CENPC: variants seen among roughly 807,000 people sequenced by gnomAD.
CENPC encodes the protein centromere protein C.
CENPC carries 63 observed loss-of-function variants against 112.1 expected under a neutral mutation model. That is an observed-to-expected ratio of 0.56 (90% CI 0.46 to 0.69). The LOEUF (loss-of-function observed/expected upper bound fraction) is 0.69, where lower values mean the gene tolerates loss of function less well. CENPC is among the 30% of genes least tolerant of loss of function. CENPC has a pLI of 0.00. For synonymous variants in CENPC, 333 were observed against 367.6 expected (o/e 0.91, Z 1.08); for missense variants, 1,000 against 1,103.8 (o/e 0.91, Z 1.33).
rs1429382741 is a variant in CENPC, at chr4:67,541,066, T to C, written c.66-16A>G. On this transcript the variant is annotated splice_polypyrimidine_tract_variant and intron_variant, in intron 2 of 18. Transcript: ENST00000273853. ...GTCACGTGCCCTAATAAAGGAAAAA[T>C]ACAGCCTGTCATTTTCAGAAGATAT... 1.3e-6 allele frequency: 2 copies of C among 1,561,436 alleles called. No homozygotes were observed. Among genetic ancestry groups the C allele is most frequent in the Non-Finnish European group, 1.8e-6 (2 of 1,140,386 alleles).
intron 11 of CENPC, among the ~76,000 whole-genome samples, chr4:67,506,061 A>T (rs917793226): frequency 6.6e-6 from 1 of 152,202 alleles, no homozygotes; most frequent in African/African-American, 2.4e-5. Context: ...AAGCCTAGTC[A>T]TAACCTCACA....
chr4:67,519,535 T>C, intron 5 of CENPC, 33 bp from the exon 6 acceptor site: 1 of 1,329,456 alleles, frequency 7.5e-7, no homozygotes, highest in Non-Finnish European at 9.9e-7. Flanking sequence ...TATTTGTCAA[T>C]TAAAAGAATA....
chr4:67,479,490 A>G (rs1005832232), intron 17 of CENPC, among the ~76,000 whole-genome samples: 28 of 152,242 alleles, frequency 1.8e-4, no homozygotes, highest in Admixed American at 3.9e-4. Context: ...CAACAATGAA[A>G]TAAAGATGAA....
intron 16 of CENPC, among the ~76,000 whole-genome samples, chr4:67,490,500 G>A (rs1354647598): frequency 6.6e-6 from 1 of 152,006 alleles, no homozygotes; most frequent in African/African-American, 2.4e-5. Context: ...ATAACAAAAT[G>A]GCAGTATTAT....
At chr4:67,538,393 C>T (rs1560445136) in intron 4 of CENPC, among the ~76,000 whole-genome samples, 2 of 152,126 alleles carry the variant, frequency 1.3e-5, no homozygotes. Context: ...CAGATTTACC[C>T]TCCTGCCTGA....
At chr4:67,512,210 C>A (rs1725910528) in intron 9 of CENPC, 192 bp downstream of exon 9, 1 of 450,942 alleles carries the variant, frequency 2.2e-6, no homozygotes, top group Non-Finnish European at 3.8e-6. Flanking sequence ...CAGCTATTAT[C>A]CCTATTCCTA....
Position 67,514,674 on chromosome 4 carries a change from G to T in CENPC, c.844C>A (p.His282Asn). The T allele has an allele frequency of 6.2e-7, 1 of 1,606,692 alleles. No individual in the cohort carries two copies. The highest frequency in any genetic ancestry group is 8.5e-7 in the Non-Finnish European group (1 of 1,176,694). ...GAATGAGGTGGAGCAGTTGCCGCAT[G>T]CCTAACAATGGGACTGAAACAGGGT... ...RKSESSPIVR[H>N]AATAPPHSCP... Residue 282 changes from histidine to asparagine, a missense_variant, in exon 8 of 19, where the codon CAT (histidine) becomes AAT (asparagine). His to Asn is a moderately conservative substitution (Grantham distance 68). Coordinates refer to ENST00000273853, the MANE Select transcript of CENPC (RefSeq NM_001812.4).
At position 67,509,057 on chromosome 4, in the gene CENPC, T is replaced by C; in HGVS notation, c.1661A>G (p.His554Arg). 1.9e-6 allele frequency: 3 copies of C among 1,611,454 alleles called. No homozygotes were observed. Among genetic ancestry groups the C allele is most frequent in the South Asian group, 2.2e-5 (2 of 91,052 alleles). ...SSVRNELPMHHNSSRKSTKKT... is the reference protein window; with the variant it reads ...SSVRNELPMHRNSSRKSTKKT... ...CTTAGTAGATTTTCGGCTACTATTGTGATGCATTGGTAATTCATTTCTTAC... is the reference window on the plus strand; with the variant it reads ...CTTAGTAGATTTTCGGCTACTATTGCGATGCATTGGTAATTCATTTCTTAC... Residue 554 changes from histidine to arginine, a missense_variant, in exon 10 of 19, where the codon CAC (histidine) becomes CGC (arginine). His to Arg is a conservative substitution (Grantham distance 29). Coordinates refer to ENST00000273853, the MANE Select transcript of CENPC (RefSeq NM_001812.4).
Position 67,508,939 on chromosome 4 carries a change from C to G in CENPC, c.1779G>C (p.Lys593Asn). The G allele has an allele frequency of 6.2e-7, 1 of 1,613,594 alleles. No individual in the cohort carries two copies. The highest frequency in any genetic ancestry group is 8.5e-7 in the Non-Finnish European group (1 of 1,179,712). ...TATKGNQRVQ[K>N]FLNAEGSGGI... ...CTCCAGAACCTTCAGCATTTAAAAA[C>G]TTCTGTACTCTTTGGTTGCCTTTAG... Residue 593 changes from lysine to asparagine, a missense_variant, in exon 10 of 19, where the codon AAG (lysine) becomes AAC (asparagine). By Grantham distance (94) the Lys-to-Asn change is moderately conservative (BLOSUM62 0). Coordinates refer to ENST00000273853, the MANE Select transcript of CENPC (RefSeq NM_001812.4).
intron 5 of CENPC, among the ~76,000 whole-genome samples, chr4:67,529,121 G>C (rs1348360883): frequency 6.6e-6 from 1 of 151,970 alleles, no homozygotes; most frequent in Admixed American, 6.6e-5. Flanking sequence ...ACCTTCTTTG[G>C]AGAAAAGTCT....
chr4:67,488,259 CAGT>C (rs946747779), intron 17 of CENPC, among the ~76,000 whole-genome samples: 56 of 149,304 alleles, frequency 3.8e-4, no homozygotes, highest in African/African-American at 1.4e-3. Flanking sequence ...GTGCTTAGTG[CAGT>C]ACCTGGAACA....
chr4:67,474,444 C>T (rs943769902), intron 18 of CENPC, among the ~76,000 whole-genome samples: 3 of 152,100 alleles, frequency 2.0e-5, no homozygotes, highest in African/African-American at 7.2e-5. Flanking sequence ...TGGCTCACAC[C>T]TGTAATCATA....
chr4:67,491,446 C>CATATATATATATAT (rs58687245), intron 16 of CENPC, among the ~76,000 whole-genome samples: 2 of 36,566 alleles, frequency 5.5e-5, no homozygotes, highest in African/African-American at 2.1e-4. Flanking sequence ...TTAAATATTT[C>CATATATATATATAT]ATATATATAT....
chr4:67,510,427 G>A (rs988117400), intron 9 of CENPC, among the ~76,000 whole-genome samples: 2 of 152,112 alleles, frequency 1.3e-5, no homozygotes, highest in African/African-American at 4.8e-5. Flanking sequence ...CTCTCCTCCA[G>A]CAGACTAACA....
intron 1 of CENPC, 81 bp from the exon 2 acceptor site, chr4:67,544,276 T>C: frequency 1.3e-6 from 1 of 765,172 alleles, no homozygotes; most frequent in South Asian, 1.5e-5. Context: ...CTTCATCCAG[T>C]ATGGGCATGC....
At chr4:67,485,234 T>A (rs1385642914) in intron 17 of CENPC, among the ~76,000 whole-genome samples, 1 of 152,150 alleles carries the variant, frequency 6.6e-6, no homozygotes, top group Non-Finnish European at 1.5e-5. Context: ...CCCCTCAAAA[T>A]CATATGTTAA....
At chr4:67,511,137 G>A (rs1289141661) in intron 9 of CENPC, 2 of 445,974 alleles carry the variant, frequency 4.5e-6, no homozygotes, top group Non-Finnish European at 9.0e-6. Context: ...AAAACTCAAT[G>A]AGGTAATCAT....
chr4:67,472,344 T>C lies in CENPC; in HGVS notation c.*261A>G, dbSNP rs1724688208. 3.7e-6 allele frequency: 1 copy of C among 272,176 alleles called. No individual in the cohort carries two copies. Among genetic ancestry groups the C allele is most frequent in the Non-Finnish European group, 6.3e-6 (1 of 157,874 alleles). The allele number at this position is 272,176 out of a possible 1,614,324, so 16.9% of individuals were successfully genotyped here. A position where few individuals can be genotyped will look rare whatever the true frequency, so the allele number is the denominator to read the frequency against. ...TCTCTTTTGACACAGAAATGTTCTA[T>C]ATTTCATTTTCATATTCTTGTCAAA... On this transcript the variant is annotated 3_prime_UTR_variant, in exon 19 of 19. Transcript: ENST00000273853.
chr4:67,506,918 T>C lies in CENPC; in HGVS notation c.1921A>G (p.Lys641Glu), dbSNP rs1169997965. 1 of 1,607,416 alleles carries C rather than the reference T, an allele frequency of 6.2e-7. No homozygotes were observed. Among genetic ancestry groups the C allele is most frequent in the Admixed American group, 1.7e-5 (1 of 58,646 alleles). Residue 641 changes from lysine to glutamate, a missense_variant, in exon 11 of 19, where the codon AAG becomes GAG. Physicochemically the swap from Lys to Glu is moderately conservative, Grantham distance 56. Coordinates refer to ENST00000273853, the MANE Select transcript of CENPC (RefSeq NM_001812.4). Reference protein sequence around the residue: ...LDCSRSTRSSKNEDNIMTAQN... With the variant: ...LDCSRSTRSSENEDNIMTAQN... ...GCAGTCATAATGTTATCTTCATTCT[T>C]TGAGCTTCTTGTAGATCTATAAAAA...
Sources: gnomAD v4.1 joint callset for allele counts (sites outside exome capture counted in the v4.1 genomes callset) on GRCh38, gnomAD v4.1.1 for gene constraint, MANE v1.5 for transcripts, NCBI Gene and HGNC (gene_info 2026-07-23, HGNC 2026-07-21) for gene names.